Variants in NCOR1 observed in about 807,000 individuals in gnomAD.
The protein encoded by NCOR1 is protein phosphatase 1, regulatory subunit 109.
Under a neutral mutation model 288.1 loss-of-function variants are expected in NCOR1, and 63 were observed. That is an observed-to-expected ratio of 0.22 (90% CI 0.18 to 0.27). The LOEUF (loss-of-function observed/expected upper bound fraction) is 0.27, where lower values mean the gene tolerates loss of function less well. NCOR1 is among the 10% of genes least tolerant of loss of function. NCOR1 has a pLI of 1.00. For missense variants in NCOR1, 2,397 were observed against 3,019.2 expected, an observed-to-expected ratio of 0.79 and a Z score of 4.83; for synonymous variants, 1,007 against 1,065.9, an observed-to-expected ratio of 0.94 and a Z score of 1.08.
intron 2 of NCOR1, among the ~76,000 whole-genome samples, chr17:16,188,788 G>A (rs1261854102): frequency 6.6e-6 from 1 of 151,944 alleles, no homozygotes; most frequent in Admixed American, 6.6e-5. Flanking sequence ...ACTTTGGGAG[G>A]CCAAGGCAGG....
chr17:16,120,700 G>T (rs1006158240), intron 16 of NCOR1, among the ~76,000 whole-genome samples: 1 of 151,978 alleles, frequency 6.6e-6, no homozygotes, highest in African/African-American at 2.4e-5. Context: ...TGGTTTAAAA[G>T]CAGGGAAGAG....
chr17:16,065,333 GTC>G (rs2060998139), intron 33 of NCOR1, 150 bp downstream of exon 33: 1 of 881,296 alleles, frequency 1.1e-6, no homozygotes, highest in Non-Finnish European at 1.7e-6. Flanking sequence ...CTCAATGTAT[GTC>G]TCTGGGCTAA....
intron 3 of NCOR1, among the ~76,000 whole-genome samples, chr17:16,183,230 C>CAAAAAAAA (rs59665102): frequency 2.0e-4 from 13 of 64,016 alleles, no homozygotes; most frequent in East Asian, 4.1e-4. Flanking sequence ...AGCAATCAAA[C>CAAAAAAAA]AAAAAAAAAA....
In NCOR1 at chr17:16,094,556, C is replaced by T. The variant is rs140056155; in HGVS notation, c.2821-2498G>A. ...TTCAAACAAGAGTGACTCCGGCTCC[C>T]CTCCCCTCTCCCCTCTCCCCTCTCT... On this transcript the variant is annotated intron_variant, in intron 21 of 45. Coordinates refer to ENST00000268712, the MANE Select transcript of NCOR1 (RefSeq NM_006311.4). Among the ~76,000 whole-genome samples the T allele has an allele frequency of 6.6e-3, 1,006 of 151,918 alleles. 12 individuals are homozygous for T. Among genetic ancestry groups the T allele is most frequent in the African/African-American group, 0.023 (963 of 41,412 alleles).
At chr17:16,183,486 G>A (rs1378273811) in intron 3 of NCOR1, among the ~76,000 whole-genome samples, 1 of 151,920 alleles carries the variant, frequency 6.6e-6, no homozygotes, top group Non-Finnish European at 1.5e-5. Flanking sequence ...TTATGACAGA[G>A]TTCTAAAAGA....
chr17:16,065,788 T>C, intron 32 of NCOR1, 94 bp from the exon 33 acceptor site: 1 of 1,124,724 alleles, frequency 8.9e-7, no homozygotes, highest in Non-Finnish European at 1.3e-6. Flanking sequence ...AAAAATCACA[T>C]GCTGAGCTAG....
chr17:16,075,523 A>G lies in NCOR1; in HGVS notation c.3670+11T>C. On this transcript the variant is annotated intron_variant, in intron 27 of 45. Transcript: ENST00000268712. ...GTAATACTGGCTTTGGTGCATACATACAATACTTACTATCATATGACAAGA... is the reference window on the plus strand; with the variant it reads ...GTAATACTGGCTTTGGTGCATACATGCAATACTTACTATCATATGACAAGA... The G allele has an allele frequency of 6.2e-7, 1 of 1,613,888 alleles. No homozygotes were observed. The highest frequency in any genetic ancestry group is 1.1e-5 in the South Asian group (1 of 91,058).
intron 40 of NCOR1, among the ~76,000 whole-genome samples, chr17:16,050,225 ATTTTT>A (rs200783067): frequency 5.7e-5 from 8 of 140,036 alleles, no homozygotes; most frequent in African/African-American, 2.1e-4. Context: ...CACACCCTCA[ATTTTT>A]TTTTTTTTTT....
At chr17:16,169,217 T>G (rs1208475107) in intron 4 of NCOR1, among the ~76,000 whole-genome samples, 3 of 152,034 alleles carry the variant, frequency 2.0e-5, no homozygotes, top group Non-Finnish European at 4.4e-5. Context: ...ACGGGCTGAC[T>G]CTGGACACAC....
Position 16,058,609 on chromosome 17 carries a change from A to C in NCOR1, c.5882-10T>G, listed in dbSNP as rs759748272. ...TACCTGTGAGAAGATACTTTAAGAA[A>C]AGAAAATCTTATTTCAAAACTAATC... On this transcript the variant is annotated splice_polypyrimidine_tract_variant and intron_variant, in intron 37 of 45. Transcript: ENST00000268712. 1.3e-6 allele frequency: 2 copies of C among 1,586,550 alleles called. No individual in the cohort carries two copies. Among genetic ancestry groups the C allele is most frequent in the Admixed American group, 1.8e-5 (1 of 54,328 alleles).
At chr17:16,110,915 T>C (rs1386069114) in intron 18 of NCOR1, among the ~76,000 whole-genome samples, 1 of 152,236 alleles carries the variant, frequency 6.6e-6, no homozygotes, top group Non-Finnish European at 1.5e-5. Flanking sequence ...GGCTACACTT[T>C]CTAAAAAGCT....
At position 16,126,221 on chromosome 17, in the gene NCOR1, C is replaced by A; in HGVS notation, c.1510-15G>T. The A allele has an allele frequency of 6.7e-7, 1 of 1,499,318 alleles. No individual in the cohort carries two copies. 92.9% of individuals were successfully genotyped at this position (1,499,318 alleles called of 1,614,324 possible). On this transcript the variant is annotated splice_polypyrimidine_tract_variant and intron_variant, in intron 14 of 45. Transcript: ENST00000268712. Reference sequence around the variant, plus strand: ...CGAGCAATTTGCTGCTAGAATGAACCATCATTTGTAAAATTCAAAGGCAAA... The same window carrying A: ...CGAGCAATTTGCTGCTAGAATGAACAATCATTTGTAAAATTCAAAGGCAAA...
chr17:16,061,962 G>A, intron 36 of NCOR1, 68 bp from the exon 37 acceptor site: 1 of 1,564,888 alleles, frequency 6.4e-7, no homozygotes, highest in Non-Finnish European at 8.6e-7. Flanking sequence ...GTGGGGAGAT[G>A]GAAGGACAAA....
rs1350958888 is a variant in NCOR1 at position 16,197,190 on chromosome 17, G to A, written c.-70-2551C>T. On this transcript the variant is annotated intron_variant, in intron 1 of 45. Transcript: ENST00000268712. Reference sequence around the variant, plus strand: ...CAAAAAATTAGCCACGCATGGTGGCGCGTGCCTGTAAACCCAGCTGCTCGG... The same window carrying A: ...CAAAAAATTAGCCACGCATGGTGGCACGTGCCTGTAAACCCAGCTGCTCGG... Among the ~76,000 whole-genome samples, 6 of 151,596 alleles carry A rather than the reference G, an allele frequency of 4.0e-5. No homozygotes were observed. The East Asian group carries it at 9.8e-4, about 25-fold the overall frequency.
chr17:16,095,194 G>A (rs1051857994), intron 21 of NCOR1, among the ~76,000 whole-genome samples: 2 of 151,308 alleles, frequency 1.3e-5, no homozygotes, highest in Non-Finnish European at 2.9e-5. Context: ...CGTCTGAGAT[G>A]TGGGGAGCGC....
At chr17:16,137,911 A>C (rs989296160) in intron 13 of NCOR1, 1 of 401,394 alleles carries the variant, frequency 2.5e-6, no homozygotes, top group African/African-American at 2.1e-5. Context: ...TGAGGCTCCA[A>C]AAGCATTGTA....
chr17:16,032,712 A>G (rs1363112628), intron 45 of NCOR1, among the ~76,000 whole-genome samples: 1 of 152,244 alleles, frequency 6.6e-6, no homozygotes, highest in East Asian at 1.9e-4. Flanking sequence ...TGAGTAGCAT[A>G]TGAGTGAGGG....
In NCOR1 at chr17:16,057,689, G is replaced by T. The variant is rs779972414; in HGVS notation, c.6217C>A (p.Pro2073Thr). Reference protein sequence around the residue: ...FARNQVSSQTPQQPPTSTFQN... With the variant: ...FARNQVSSQTTQQPPTSTFQN... The stretch of plus-strand genomic sequence containing the variant: ...AATGTAGAAGTAGGAGGCTGCTGGG[G>T]AGTCTGCGAGGAAACTTGATTTCTA... The change falls in exon 40 of 46, where the codon CCC becomes ACC. Residue 2073 changes from proline to threonine, a missense_variant. Coordinates refer to ENST00000268712, the MANE Select transcript of NCOR1 (RefSeq NM_006311.4). 1 of 1,614,062 alleles carries T rather than the reference G, an allele frequency of 6.2e-7. No individual in the cohort carries two copies. Among genetic ancestry groups the T allele is most frequent in the Non-Finnish European group, 8.5e-7 (1 of 1,180,020 alleles).
At chr17:16,152,032 G>T in intron 7 of NCOR1, 34 bp from the exon 8 acceptor site, 1 of 1,395,704 alleles carries the variant, frequency 7.2e-7, no homozygotes, top group Non-Finnish European at 1.0e-6. Context: ...TGTATAAAAT[G>T]TTGTACATAT....
Sources: allele counts gnomAD v4.1 joint callset (sites outside exome capture counted in the v4.1 genomes callset), GRCh38; gene constraint gnomAD v4.1.1; transcripts MANE v1.5; gene names NCBI Gene and HGNC (gene_info 2026-07-23, HGNC 2026-07-21).